ADAM18: variants seen among roughly 807,000 people sequenced by gnomAD.
ADAM18 encodes disintegrin and metalloproteinase domain-containing protein 18.
ADAM18 carries 117 observed loss-of-function variants against 94.4 expected under a neutral mutation model. That is an observed-to-expected ratio of 1.24 (90% CI 1.07 to 1.45). The LOEUF (loss-of-function observed/expected upper bound fraction) is 1.45. Ranked by LOEUF, ADAM18 falls within the 40% of genes most tolerant of loss-of-function variation. The pLI, the probability that ADAM18 is intolerant of heterozygous loss-of-function variation, is 0.00. For missense variants in ADAM18, 936 were observed against 880.0 expected (o/e 1.06, Z -0.81); for synonymous variants, 327 against 291.6 (o/e 1.12, Z -1.24).
Position 39,668,120 on chromosome 8 carries a change from C to T in ADAM18, c.1449C>T (p.Cys483=), listed in dbSNP as rs1196051659. 1 of 1,613,982 alleles carries T rather than the reference C, an allele frequency of 6.2e-7. No individual in the cohort carries two copies. The highest frequency in any genetic ancestry group is 1.3e-5 in the African/African-American group (1 of 74,892). ...CTTATGCATTGAATGGCCGTTTGTG[C>T]AAGTTGGGAACTGCCTATTGCTATA... ...PDTYALNGRL[C]KLGTAYCYNG... is the part of the protein sequence containing the mutation. Residue 483 remains cysteine, a synonymous_variant, in exon 14 of 20, where the codon TGC becomes TGT. Transcript: ENST00000265707.
intron 19 of ADAM18, among the ~76,000 whole-genome samples, chr8:39,725,944 G>A (rs1369427746): frequency 6.6e-6 from 1 of 151,940 alleles, no homozygotes; most frequent in Non-Finnish European, 1.5e-5. Flanking sequence ...TTCCATAATG[G>A]CTATACCAAT....
At chr8:39,680,421 T>C (rs866163881) in intron 16 of ADAM18, among the ~76,000 whole-genome samples, 195 bp downstream of exon 16, 2 of 152,210 alleles carry the variant, frequency 1.3e-5, no homozygotes, top group African/African-American at 4.8e-5. Flanking sequence ...ATTAAAATAT[T>C]ATCAGTCCTT....
intron 17 of ADAM18, among the ~76,000 whole-genome samples, chr8:39,694,722 C>T (rs1821875274): frequency 6.6e-6 from 1 of 151,436 alleles, no homozygotes; most frequent in Non-Finnish European, 1.5e-5. Context: ...TACATCTTGC[C>T]TTAGAGGGAT....
At chr8:39,713,311 A>G (rs1822471756) in intron 18 of ADAM18, among the ~76,000 whole-genome samples, 1 of 152,222 alleles carries the variant, frequency 6.6e-6, no homozygotes, top group Non-Finnish European at 1.5e-5. Context: ...AAATACTTAA[A>G]TGTTAGACCT....
chr8:39,672,800 C>G (rs1454294440), intron 14 of ADAM18, among the ~76,000 whole-genome samples: 2 of 152,164 alleles, frequency 1.3e-5, no homozygotes, highest in African/African-American at 4.8e-5. Flanking sequence ...ATTTTAAAAA[C>G]TAGTGGACAC....
At chr8:39,689,309 G>A (rs1387246343) in intron 16 of ADAM18, among the ~76,000 whole-genome samples, 1 of 151,968 alleles carries the variant, frequency 6.6e-6, no homozygotes, top group African/African-American at 2.4e-5. Flanking sequence ...GGTATTGCCA[G>A]GGTTTTTATA....
chr8:39,681,821 T>C lies in ADAM18; in HGVS notation c.1821+1595T>C, dbSNP rs79759750. Reference sequence around the variant, plus strand: ...GTGGCAGAAAGCTTAGCATATTGTCTTCTACAGTACGTGGAAAGTAGAATG... The same window carrying C: ...GTGGCAGAAAGCTTAGCATATTGTCCTCTACAGTACGTGGAAAGTAGAATG... On this transcript the variant is annotated intron_variant, in intron 16 of 19. Transcript: ENST00000265707. Among the ~76,000 whole-genome samples the C allele has an allele frequency of 5.5e-3, 834 of 152,290 alleles. 5 individuals are homozygous for C. Among genetic ancestry groups the C allele is most frequent in the Middle Eastern group, 0.02 (6 of 294 alleles).
chr8:39,723,923 A>T lies in ADAM18; in HGVS notation c.2177+16A>T. ...AGTATAATCGGTAAATATGATATAG[A>T]ATCAATGTATTAGGTTTAATTATCC... On this transcript the variant is annotated intron_variant, in intron 19 of 19. Coordinates refer to ENST00000265707, the MANE Select transcript of ADAM18 (RefSeq NM_014237.3). The T allele has an allele frequency of 1.4e-6, 2 of 1,402,726 alleles. No homozygotes were observed. The highest frequency in any genetic ancestry group is 3.3e-5 in the South Asian group (2 of 60,828). The allele number at this position is 1,402,726 out of a possible 1,614,324, so 86.9% of individuals were successfully genotyped here. A position where few individuals can be genotyped will look rare whatever the true frequency, so the allele number is the denominator to read the frequency against.
chr8:39,690,339 C>T (rs1563308118), intron 16 of ADAM18, among the ~76,000 whole-genome samples: 1 of 151,856 alleles, frequency 6.6e-6, no homozygotes, highest in South Asian at 2.1e-4. Flanking sequence ...TGTGTGCACT[C>T]TAGTAGGGGT....
At chr8:39,683,491 C>A (rs1424292718) in intron 16 of ADAM18, among the ~76,000 whole-genome samples, 3 of 152,190 alleles carry the variant, frequency 2.0e-5, no homozygotes, top group Non-Finnish European at 4.4e-5. Context: ...CTATGAGAAA[C>A]TGCTAGAATC....
chr8:39,604,889 C>T (rs1166518087), intron 2 of ADAM18, among the ~76,000 whole-genome samples: 1 of 151,852 alleles, frequency 6.6e-6, no homozygotes, highest in African/African-American at 2.4e-5. Context: ...TGTTATTGTC[C>T]CTTCTTGGTG....
intron 13 of ADAM18, among the ~76,000 whole-genome samples, chr8:39,667,381 A>C (rs1821019768): frequency 6.6e-6 from 1 of 151,070 alleles, no homozygotes; most frequent in African/African-American, 2.4e-5. Context: ...CAGCCTGAGC[A>C]AAAGAGCAAA....
chr8:39,637,844 C>G (rs535022743), intron 9 of ADAM18, 141 bp downstream of exon 9: 2 of 612,594 alleles, frequency 3.3e-6, no homozygotes, highest in East Asian at 6.5e-5. Context: ...CATAGAGGTG[C>G]TAGTGTACTT....
chr8:39,589,842 C>G (rs548089278), intron 2 of ADAM18, among the ~76,000 whole-genome samples: 2 of 152,114 alleles, frequency 1.3e-5, no homozygotes, highest in African/African-American at 4.8e-5. Flanking sequence ...AAATGCTCAT[C>G]ATCACTGGCC....
intron 17 of ADAM18, among the ~76,000 whole-genome samples, chr8:39,694,880 A>C (rs1348020860): frequency 6.6e-6 from 1 of 151,540 alleles, no homozygotes; most frequent in Non-Finnish European, 1.5e-5. Flanking sequence ...TGTGTCTTAA[A>C]AATATGTTTC....
At chr8:39,615,772 C>T (rs967798992) in intron 6 of ADAM18, among the ~76,000 whole-genome samples, 1 of 152,160 alleles carries the variant, frequency 6.6e-6, no homozygotes, top group Non-Finnish European at 1.5e-5. Flanking sequence ...CAATCTCTCT[C>T]TCTTCATGGA....
rs1823654 is a variant in ADAM18, at chr8:39,676,783, G to A, written c.1526-648G>A. ...TTCCTATTCGGCCATTTTGGCAAGTGTATTATTTTCTATTCCTATTTGAAA... is the reference window on the plus strand; with the variant it reads ...TTCCTATTCGGCCATTTTGGCAAGTATATTATTTTCTATTCCTATTTGAAA... On this transcript the variant is annotated intron_variant, in intron 14 of 19. Transcript: ENST00000265707. Among the ~76,000 whole-genome samples, 564 of 152,268 alleles carry A rather than the reference G, an allele frequency of 3.7e-3. 3 individuals are homozygous for A. Among genetic ancestry groups the A allele is most frequent in the African/African-American group, 0.013 (543 of 41,562 alleles).
intron 13 of ADAM18, among the ~76,000 whole-genome samples, chr8:39,664,187 A>G (rs1209206850): frequency 6.6e-6 from 1 of 152,228 alleles, no homozygotes. Context: ...TGTTGTGTCT[A>G]TTAGCAAATA....
intron 7 of ADAM18, among the ~76,000 whole-genome samples, chr8:39,629,770 T>G (rs1036346339): frequency 5.9e-5 from 9 of 151,884 alleles, no homozygotes; most frequent in African/African-American, 2.2e-4. Flanking sequence ...AATACAATTT[T>G]CTTAATATTT....
Sources: gnomAD v4.1 joint callset for allele counts (sites outside exome capture counted in the v4.1 genomes callset) on GRCh38, gnomAD v4.1.1 for gene constraint, MANE v1.5 for transcripts, NCBI Gene and HGNC (gene_info 2026-07-23, HGNC 2026-07-21) for gene names.